The following SNTG2 variants were observed in gnomAD, a reference collection of about 807,000 sequenced individuals.
The protein encoded by SNTG2 is gamma-2-syntrophin.
In SNTG2, 74 loss-of-function variants were observed where a neutral mutation model predicts 70.9. The ratio of observed to expected loss-of-function variants is 1.04; its 90% CI spans 0.86 to 1.27. SNTG2 has a LOEUF of 1.27. Ranked by LOEUF, SNTG2 falls within the 50% of genes most tolerant of loss-of-function variation. SNTG2 has a pLI of 0.00. For synonymous variants in SNTG2, 278 were observed against 273.8 expected, an observed-to-expected ratio of 1.02 and a Z score of -0.15; for missense variants, 717 against 690.7, an observed-to-expected ratio of 1.04 and a Z score of -0.43.
intron 7 of SNTG2, among the ~76,000 whole-genome samples, chr2:1,171,295 A>G (rs927462135): frequency 1.4e-4 from 22 of 152,190 alleles, no homozygotes; most frequent in African/African-American, 5.3e-4. Context: ...ATGTAAATTT[A>G]TTGACTATTT....
intron 8 of SNTG2, among the ~76,000 whole-genome samples, chr2:1,207,462 C>A (rs1286362174): frequency 1.3e-5 from 2 of 152,208 alleles, no homozygotes; most frequent in Non-Finnish European, 2.9e-5. Context: ...GGCGATGCCG[C>A]CTCTTCTGTA....
At chr2:1,277,381 C>A (rs545215017) in intron 14 of SNTG2, among the ~76,000 whole-genome samples, 1 of 152,322 alleles carries the variant, frequency 6.6e-6, no homozygotes, top group South Asian at 2.1e-4. Flanking sequence ...AACATCCAGG[C>A]AAGGTCCTCC....
At chr2:1,160,403 A>C (rs1386143670) in intron 6 of SNTG2, 4 of 152,066 alleles carry the variant, frequency 2.6e-5, no homozygotes, top group Non-Finnish European at 5.9e-5. Context: ...AAACTATCAA[A>C]TGTGTTATAT....
chr2:1,275,466 G>A (rs372449275), intron 14 of SNTG2, among the ~76,000 whole-genome samples: 5 of 152,222 alleles, frequency 3.3e-5, no homozygotes, highest in Admixed American at 1.3e-4. Flanking sequence ...ATCTGTCACC[G>A]TGATATGTGT....
intron 1 of SNTG2, among the ~76,000 whole-genome samples, chr2:965,561 TTCTGTGGTCCCCTCCTCC>T (rs1216764879): frequency 2.0e-5 from 3 of 151,148 alleles, no homozygotes; most frequent in Admixed American, 6.6e-5. Flanking sequence ...CCTGGTCCTC[TTCTGTGGTCCCCTCCTCC>T]TCTGTGGCCC....
intron 14 of SNTG2, among the ~76,000 whole-genome samples, chr2:1,281,847 AC>A (rs1679562279): frequency 6.6e-6 from 1 of 151,930 alleles, no homozygotes; most frequent in Non-Finnish European, 1.5e-5. Context: ...CAGCACAAGC[AC>A]CCCACACATC....
At position 1,083,504 on chromosome 2, in the gene SNTG2, C is replaced by T. The variant is rs1664479181; in HGVS notation, c.73-14C>T. ...CTCACACCATTTTTTTGTGTTTCCACTTTGTCCCTACAGACGAAAACCACT... is the reference window on the plus strand; with the variant it reads ...CTCACACCATTTTTTTGTGTTTCCATTTTGTCCCTACAGACGAAAACCACT... On this transcript the variant is annotated splice_polypyrimidine_tract_variant and intron_variant, in intron 1 of 16. Coordinates refer to ENST00000308624, the MANE Select transcript of SNTG2 (RefSeq NM_018968.4). 1 of 1,613,366 alleles carries T rather than the reference C, an allele frequency of 6.2e-7. No individual in the cohort carries two copies. The highest frequency in any genetic ancestry group is 8.5e-7 in the Non-Finnish European group (1 of 1,179,434).
At chr2:981,071 A>T (rs1661081469) in intron 1 of SNTG2, among the ~76,000 whole-genome samples, 1 of 152,178 alleles carries the variant, frequency 6.6e-6, no homozygotes, top group South Asian at 2.1e-4. Flanking sequence ...CCTGAATTTG[A>T]AATATGAACC....
intron 1 of SNTG2, among the ~76,000 whole-genome samples, chr2:952,372 C>T (rs1660002745): frequency 1.3e-5 from 2 of 152,214 alleles, no homozygotes; most frequent in African/African-American, 4.8e-5. Context: ...CAAAGCAATT[C>T]TTGCTTTTAA....
chr2:1,275,464 C>T (rs1341993666), intron 14 of SNTG2, among the ~76,000 whole-genome samples: 2 of 152,174 alleles, frequency 1.3e-5, no homozygotes, highest in African/African-American at 4.8e-5. Flanking sequence ...ATATCTGTCA[C>T]CGTGATATGT....
At chr2:1,357,889 AT>A (rs1025664660) in intron 16 of SNTG2, among the ~76,000 whole-genome samples, 3 of 150,562 alleles carry the variant, frequency 2.0e-5, no homozygotes, top group Admixed American at 6.6e-5. Context: ...AGTTTTCTCT[AT>A]TTTTTTCTTA....
intron 14 of SNTG2, among the ~76,000 whole-genome samples, chr2:1,279,301 G>A (rs1025015956): frequency 6.6e-6 from 1 of 152,260 alleles, no homozygotes; most frequent in African/African-American, 2.4e-5. Context: ...CAAGAGCAGT[G>A]ATGCTGGTAT....
intron 2 of SNTG2, among the ~76,000 whole-genome samples, chr2:1,091,353 TG>T (rs1184358031): frequency 6.6e-6 from 1 of 152,120 alleles, no homozygotes; most frequent in African/African-American, 2.4e-5. Context: ...GTACAGGGGC[TG>T]GGGGAGGACA....
chr2:1,337,445 G>A (rs1369105604), intron 16 of SNTG2, among the ~76,000 whole-genome samples: 1 of 152,108 alleles, frequency 6.6e-6, no homozygotes, highest in Non-Finnish European at 1.5e-5. Context: ...GATTATTGAT[G>A]TTGAACATCT....
chr2:1,065,649 A>T (rs548937707), intron 1 of SNTG2, among the ~76,000 whole-genome samples: 3 of 152,360 alleles, frequency 2.0e-5, no homozygotes, highest in African/African-American at 7.2e-5. Context: ...AATACGTTGC[A>T]AATCATGAAC....
At chr2:1,155,809 G>T (rs913169320) in intron 6 of SNTG2, among the ~76,000 whole-genome samples, 1 of 152,168 alleles carries the variant, frequency 6.6e-6, no homozygotes, top group Non-Finnish European at 1.5e-5. Flanking sequence ...TCTAACGTGG[G>T]AGGGGTGCAG....
chr2:1,017,458 A>G lies in SNTG2; in HGVS notation c.73-66060A>G, dbSNP rs555882252. Reference sequence around the variant, plus strand: ...AGACACATGCAATGTGCATGCACAAACATGCAAACAAATGCACATGCATGC... The same window carrying G: ...AGACACATGCAATGTGCATGCACAAGCATGCAAACAAATGCACATGCATGC... On this transcript the variant is annotated intron_variant, in intron 1 of 16. Transcript: ENST00000308624. Among the ~76,000 whole-genome samples, 7 of 152,340 alleles carry G rather than the reference A, an allele frequency of 4.6e-5. No individual in the cohort carries two copies. In the South Asian group the frequency reaches 1.5e-3, roughly 32 times the overall value.
chr2:1,024,886 A>G (rs933688712), intron 1 of SNTG2, among the ~76,000 whole-genome samples: 3 of 152,224 alleles, frequency 2.0e-5, no homozygotes, highest in Non-Finnish European at 4.4e-5. Flanking sequence ...AAGAAAGCAG[A>G]AACTAATACT....
chr2:1,362,543 G>GACA lies in SNTG2; in HGVS notation c.1489-4800_1489-4799insACA, dbSNP rs1455566958. Among the ~76,000 whole-genome samples the GACA allele has an allele frequency of 5.9e-3, 678 of 114,138 alleles. 22 individuals are homozygous for GACA. The highest frequency in any genetic ancestry group is 9.2e-3 in the Non-Finnish European group (471 of 50,996). 74.9% of individuals were successfully genotyped at this position (114,138 alleles called of 152,430 possible). ...TAGAACTTCCGTGAAAGTCACCAAT[G>GACA]CTGAGCATTTCAATAGAACTTCCAT... On this transcript the variant is annotated intron_variant, in intron 16 of 16. Transcript: ENST00000308624.
Sources: allele counts gnomAD v4.1 joint callset (sites outside exome capture counted in the v4.1 genomes callset), GRCh38; gene constraint gnomAD v4.1.1; transcripts MANE v1.5; gene names NCBI Gene and HGNC (gene_info 2026-07-23, HGNC 2026-07-21).